CPNE4: variants seen among roughly 807,000 people sequenced by gnomAD.
CPNE4 encodes the protein copine 4.
In CPNE4, 25 loss-of-function variants were observed where a neutral mutation model predicts 67.9. That is an observed-to-expected ratio of 0.37 (90% CI 0.27 to 0.51). The LOEUF is 0.51. CPNE4 is among the 20% of genes least tolerant of loss of function. The pLI, the probability that CPNE4 is intolerant of heterozygous loss-of-function variation, is 0.93. For synonymous variants in CPNE4, 242 were observed against 244.9 expected (o/e 0.99, Z 0.11); for missense variants, 464 against 690.8 (o/e 0.67, Z 3.68).
intron 7 of CPNE4, among the ~76,000 whole-genome samples, chr3:131,630,166 A>C (rs889717603): frequency 6.6e-6 from 1 of 152,244 alleles, no homozygotes; most frequent in African/African-American, 2.4e-5. Context: ...CAGGATACGA[A>C]TCATTCCCTT....
chr3:132,036,422 G>A (rs548512258), upstream of CPNE4, among the ~76,000 whole-genome samples: 31 of 152,302 alleles, frequency 2.0e-4, no homozygotes, highest in South Asian at 5.8e-3. Flanking sequence ...CACACATTGC[G>A]AGTGAGACAC....
intron 1 of CPNE4, among the ~76,000 whole-genome samples, chr3:131,996,522 C>T (rs1028540254): frequency 5.9e-5 from 9 of 151,466 alleles, no homozygotes; most frequent in African/African-American, 2.2e-4. Flanking sequence ...AGAGAGAGTC[C>T]ACGATAGGAA....
chr3:131,726,197 A>C (rs989947822), intron 2 of CPNE4, among the ~76,000 whole-genome samples: 4 of 152,224 alleles, frequency 2.6e-5, no homozygotes, highest in African/African-American at 9.6e-5. Context: ...ACTGCCCCAA[A>C]GGGCACAAAT....
At position 131,936,339 on chromosome 3, in the gene CPNE4, A is replaced by G. The variant is rs1189740795; in HGVS notation, c.-1-30895T>C. ...TAAGTGAGGGTTTTACCTGAAGTGC[A>G]GAAGACATATCCCTTTTTTGCAATG... is the stretch of plus-strand genomic sequence containing the variant. On this transcript the variant is annotated intron_variant, in intron 1 of 15. Coordinates refer to ENST00000429747, the MANE Select transcript of CPNE4 (RefSeq NM_130808.3). Among the ~76,000 whole-genome samples, 4 of 152,066 alleles carry G rather than the reference A, an allele frequency of 2.6e-5. No individual in the cohort carries two copies. The South Asian group carries it at 6.2e-4, about 24-fold the overall frequency.
At chr3:131,810,438 T>C (rs925861807) in intron 2 of CPNE4, among the ~76,000 whole-genome samples, 5 of 151,514 alleles carry the variant, frequency 3.3e-5, no homozygotes, top group Non-Finnish European at 7.4e-5. Context: ...CCCAAGAAAA[T>C]ATAAACATGA....
intron 1 of CPNE4, among the ~76,000 whole-genome samples, chr3:131,955,147 T>C (rs957282452): frequency 1.3e-5 from 2 of 151,588 alleles, no homozygotes; most frequent in African/African-American, 4.8e-5. Context: ...AGGGCTAGGA[T>C]TTTCAGTACA....
At chr3:131,776,031 G>A (rs2083282306) in intron 2 of CPNE4, among the ~76,000 whole-genome samples, 2 of 152,098 alleles carry the variant, frequency 1.3e-5, no homozygotes, top group African/African-American at 4.8e-5. Context: ...CTCACATTCA[G>A]GCTCTGGGCC....
In CPNE4 at chr3:131,978,116, A is replaced by G. The variant is rs1328779178; in HGVS notation, c.-2+56451T>C. On this transcript the variant is annotated intron_variant, in intron 1 of 15. Transcript: ENST00000429747. ...ATATATATAAATATATATAAAATATATATAAATATATATATTTATATAAAT... is the reference window on the plus strand; with the variant it reads ...ATATATATAAATATATATAAAATATGTATAAATATATATATTTATATAAAT... Among the ~76,000 whole-genome samples the G allele has an allele frequency of 3.8e-5, 3 of 78,284 alleles. No individual in the cohort carries two copies. The South Asian group carries it at 9.5e-4, about 25-fold the overall frequency. 51.4% of individuals were successfully genotyped at this position (78,284 alleles called of 152,430 possible). A position where few individuals can be genotyped will look rare whatever the true frequency, so the allele number is the denominator to read the frequency against.
intron 2 of CPNE4, among the ~76,000 whole-genome samples, chr3:131,809,954 G>T (rs2084460910): frequency 1.3e-5 from 2 of 151,976 alleles, no homozygotes; most frequent in South Asian, 4.1e-4. Context: ...TGGAAAGGAA[G>T]AAAAGAGTGG....
chr3:131,738,296 C>A (rs2082284714), intron 2 of CPNE4, among the ~76,000 whole-genome samples: 1 of 152,262 alleles, frequency 6.6e-6, no homozygotes. Flanking sequence ...ATAGTAAGAG[C>A]AGTTCTGCAA....
Position 131,628,330 on chromosome 3 carries a change from G to A in CPNE4, c.682-40748C>T, listed in dbSNP as rs577322421. On this transcript the variant is annotated intron_variant, in intron 7 of 15. Transcript: ENST00000429747. Reference sequence around the variant, plus strand: ...GCTGGGGAGGCCTCAGAATCATGGTGGGAGGTGAAAGGCACTTCTTACATG... The same window carrying A: ...GCTGGGGAGGCCTCAGAATCATGGTAGGAGGTGAAAGGCACTTCTTACATG... Among the ~76,000 whole-genome samples, 543 of 152,294 alleles carry A rather than the reference G, an allele frequency of 3.6e-3. 2 individuals carry two copies. The highest frequency in any genetic ancestry group is 0.013 in the African/African-American group (529 of 41,546).
chr3:131,537,235 A>C (rs1935201770), intron 15 of CPNE4, among the ~76,000 whole-genome samples: 1 of 151,080 alleles, frequency 6.6e-6, no homozygotes, highest in Non-Finnish European at 1.5e-5. Flanking sequence ...AAGTGTGTGG[A>C]GGTCATGGTG....
At chr3:131,714,980 G>A (rs945040276) in intron 3 of CPNE4, among the ~76,000 whole-genome samples, 4 of 152,116 alleles carry the variant, frequency 2.6e-5, no homozygotes, top group African/African-American at 9.7e-5. Context: ...GACATACACT[G>A]AAGAACAGCC....
At chr3:132,017,607 G>C (rs999674025) in intron 1 of CPNE4, 4 of 152,100 alleles carry the variant, frequency 2.6e-5, no homozygotes, top group African/African-American at 9.7e-5. Flanking sequence ...CTCTGATTTT[G>C]TGCTTCACTG....
intron 1 of CPNE4, among the ~76,000 whole-genome samples, chr3:131,906,397 T>TC (rs1053092820): frequency 1.3e-5 from 1 of 78,110 alleles, no homozygotes. Context: ...ATGCTATCCC[T>TC]CCCCCCCTCC....
At chr3:131,720,019 T>C (rs1164665371) in intron 3 of CPNE4, among the ~76,000 whole-genome samples, 2 of 152,160 alleles carry the variant, frequency 1.3e-5, no homozygotes, top group Non-Finnish European at 2.9e-5. Flanking sequence ...AGACAGATGG[T>C]ATAAAATGAT....
chr3:131,726,933 C>T (rs904424139), intron 2 of CPNE4, among the ~76,000 whole-genome samples: 17 of 152,170 alleles, frequency 1.1e-4, no homozygotes, highest in African/African-American at 3.1e-4. Flanking sequence ...CTTGCTTACC[C>T]TCTGTTATCC....
intron 1 of CPNE4, among the ~76,000 whole-genome samples, chr3:131,921,616 T>A (rs1169696650): frequency 3.3e-5 from 5 of 152,230 alleles, no homozygotes; most frequent in Non-Finnish European, 5.9e-5. Context: ...CTAACCATAA[T>A]GATAGGCAAG....
chr3:131,731,474 A>AC (rs1360533865), intron 2 of CPNE4, among the ~76,000 whole-genome samples: 1 of 152,136 alleles, frequency 6.6e-6, no homozygotes, highest in African/African-American at 2.4e-5. Context: ...CTGATTTGCC[A>AC]CAGAAGCGTA....
Sources: gnomAD v4.1 joint callset for allele counts (sites outside exome capture counted in the v4.1 genomes callset) on GRCh38, gnomAD v4.1.1 for gene constraint, MANE v1.5 for transcripts, NCBI Gene and HGNC (gene_info 2026-07-23, HGNC 2026-07-21) for gene names.